Variants in KCNJ12 observed in about 807,000 individuals in gnomAD.
The protein encoded by KCNJ12 is potassium inwardly rectifying channel subfamily J member 12, also known as ATP-sensitive inward rectifier potassium channel 12.
A neutral mutation model predicts 22.3 loss-of-function variants in KCNJ12; 2 were observed. That is an observed-to-expected ratio of 0.09 (90% CI 0.04 to 0.28). KCNJ12 has a LOEUF of 0.28. Ranked by LOEUF, KCNJ12 falls within the 10% of genes least tolerant of loss-of-function variation. KCNJ12 has a pLI of 1.00. For synonymous variants in KCNJ12, 117 were observed against 261.4 expected, an observed-to-expected ratio of 0.45 and a Z score of 5.33; for missense variants, 155 against 633.3, an observed-to-expected ratio of 0.24 and a Z score of 8.11.
At chr17:21,404,754 C>T (rs1234365796) in intron 1 of KCNJ12, among the ~76,000 whole-genome samples, 19 of 152,272 alleles carry the variant, frequency 1.2e-4, no homozygotes, top group Admixed American at 1.2e-3. Flanking sequence ...AGGACACCCT[C>T]TCTCCCTCCT....
At chr17:21,412,149 A>G (rs1906390031) in intron 2 of KCNJ12, among the ~76,000 whole-genome samples, 1 of 152,282 alleles carries the variant, frequency 6.6e-6, no homozygotes, top group Non-Finnish European at 1.5e-5. Context: ...TGTCTTTGTC[A>G]GTTTTTGGCT....
chr17:21,384,028 T>G (rs1904986206), intron 1 of KCNJ12, among the ~76,000 whole-genome samples: 1 of 152,184 alleles, frequency 6.6e-6, no homozygotes, highest in South Asian at 2.1e-4. Flanking sequence ...CAGAGTTTCT[T>G]GTCCTTGGGG....
At chr17:21,408,344 C>A (rs1333679505) in intron 1 of KCNJ12, among the ~76,000 whole-genome samples, 175 bp from the exon 2 acceptor site, 5 of 152,244 alleles carry the variant, frequency 3.3e-5, no homozygotes, top group African/African-American at 1.2e-4. Context: ...TGGATGGTTG[C>A]TATGCTGTGA....
At chr17:21,382,312 C>G (rs781819087) in intron 1 of KCNJ12, among the ~76,000 whole-genome samples, 8 of 152,150 alleles carry the variant, frequency 5.3e-5, no homozygotes, top group Non-Finnish European at 1.2e-4. Flanking sequence ...CGTGGGGCCT[C>G]TCATATCTCA....
At chr17:21,395,795 C>G (rs1176344569) in intron 1 of KCNJ12, among the ~76,000 whole-genome samples, 1 of 152,200 alleles carries the variant, frequency 6.6e-6, no homozygotes, top group Non-Finnish European at 1.5e-5. Context: ...CTTACCACGA[C>G]TGAGTGGCAG....
chr17:21,411,087 T>C (rs1906314782), intron 2 of KCNJ12, among the ~76,000 whole-genome samples: 2 of 152,312 alleles, frequency 1.3e-5, no homozygotes, highest in African/African-American at 4.8e-5. Flanking sequence ...TTCCGGTCAG[T>C]GCTTTCTTGG....
chr17:21,407,282 A>G (rs1445743140), intron 1 of KCNJ12, among the ~76,000 whole-genome samples: 84 of 151,720 alleles, frequency 5.5e-4, no homozygotes, highest in Non-Finnish European at 1.1e-3. Flanking sequence ...CTACCCACCC[A>G]TACACTCATC....
In KCNJ12 at chr17:21,417,472, G is replaced by A. The variant is rs1403758269; in HGVS notation, c.*828G>A. 1 of 167,140 alleles carries A rather than the reference G, an allele frequency of 6.0e-6. No individual in the cohort carries two copies. The highest frequency in any genetic ancestry group is 2.4e-5 in the African/African-American group (1 of 41,450). The allele number at this position is 167,140 out of a possible 1,614,324, so 10.4% of individuals were successfully genotyped here. Reference sequence around the variant, plus strand: ...AGGGCCAGGCATGGGACCTGCCATCGAGGGTTCCTCCCCGCACCCTCGATT... The same window carrying A: ...AGGGCCAGGCATGGGACCTGCCATCAAGGGTTCCTCCCCGCACCCTCGATT... On this transcript the variant is annotated 3_prime_UTR_variant, in exon 3 of 3. Coordinates refer to ENST00000583088, the MANE Select transcript of KCNJ12 (RefSeq NM_021012.5).
At chr17:21,384,192 G>A (rs914120915) in intron 1 of KCNJ12, among the ~76,000 whole-genome samples, 2 of 152,142 alleles carry the variant, frequency 1.3e-5, no homozygotes, top group African/African-American at 4.8e-5. Context: ...TGCACTATGC[G>A]CACTGCTGTG....
intron 1 of KCNJ12, among the ~76,000 whole-genome samples, chr17:21,389,031 A>T (rs1597559297): frequency 6.6e-6 from 1 of 152,306 alleles, no homozygotes; most frequent in African/African-American, 2.4e-5. Context: ...GGTAAGCTGC[A>T]TCACCTCTCT....
intron 2 of KCNJ12, among the ~76,000 whole-genome samples, chr17:21,409,548 G>A (rs1906198305): frequency 6.6e-6 from 1 of 152,310 alleles, no homozygotes; most frequent in Non-Finnish European, 1.5e-5. Context: ...ACTCCCGCTG[G>A]GGAGGCCAGG....
intron 1 of KCNJ12, among the ~76,000 whole-genome samples, chr17:21,383,134 C>T (rs1281973484): frequency 7.2e-5 from 11 of 152,168 alleles, no homozygotes; most frequent in African/African-American, 2.4e-4. Flanking sequence ...GATGAAAGGC[C>T]GGGGGCAGGA....
rs1806312179 is a variant in KCNJ12, at chr17:21,411,406, C to G, written c.-57+2766C>G. On this transcript the variant is annotated intron_variant, in intron 2 of 2. Transcript: ENST00000583088. The stretch of plus-strand genomic sequence containing the variant: ...GGTCTGCCGGGCCCGTGCTCTCTCC[C>G]CACTGCCTGCTCTCTCCCTCCTGGG... 5.3e-5 allele frequency among the ~76,000 whole-genome samples: 8 copies of G among 152,216 alleles called. No homozygotes were observed. The South Asian group carries it at 1.7e-3, about 32-fold the overall frequency.
chr17:21,397,488 C>T (rs1202603222), intron 1 of KCNJ12, among the ~76,000 whole-genome samples: 1 of 152,176 alleles, frequency 6.6e-6, no homozygotes, highest in African/African-American at 2.4e-5. Context: ...TCGAGCAAGG[C>T]TAGGGAAGCG....
chr17:21,414,204 A>G (rs1597583321), intron 2 of KCNJ12, among the ~76,000 whole-genome samples: 2 of 152,242 alleles, frequency 1.3e-5, no homozygotes, highest in African/African-American at 4.8e-5. Flanking sequence ...AAAAGAGAAA[A>G]CGTCTCACGC....
Position 21,376,862 on chromosome 17 carries a change from C to T in KCNJ12, c.-230C>T, listed in dbSNP as rs1381494465. On this transcript the variant is annotated 5_prime_UTR_variant, in exon 1 of 3. Coordinates refer to ENST00000583088, the MANE Select transcript of KCNJ12 (RefSeq NM_021012.5). This position sits in a 1 kb window ranked among gnomAD's most constrained non-coding sequence, Gnocchi z 5.3. ...GGCAGCTGCCGGGGCCAGGAACGGC[C>T]GCCCGGAGCTTGGAGGACGCCGAGC... The T allele has an allele frequency of 1.3e-5, 2 of 151,384 alleles. No homozygotes were observed. Among genetic ancestry groups the T allele is most frequent in the Non-Finnish European group, 1.5e-5 (1 of 67,816 alleles). The allele number at this position is 151,384 out of a possible 1,614,324, so 9.4% of individuals were successfully genotyped here.
Position 21,418,669 on chromosome 17 carries a change from G to C in KCNJ12, c.*2025G>C, listed in dbSNP as rs1189692416. 6.0e-6 allele frequency: 1 copy of C among 167,640 alleles called. No individual in the cohort carries two copies. The highest frequency in any genetic ancestry group is 1.5e-5 in the Non-Finnish European group (1 of 68,724). The allele number at this position is 167,640 out of a possible 1,614,324, so 10.4% of individuals were successfully genotyped here. A position where few individuals can be genotyped will look rare whatever the true frequency, so the allele number is the denominator to read the frequency against. ...GCCGAGGCAGCTCTTTCCTCTCGGG[G>C]TCTGCCAGGGGTGCCTCAGCTGGTT... On this transcript the variant is annotated 3_prime_UTR_variant, in exon 3 of 3. Transcript: ENST00000583088.
chr17:21,411,205 C>A (rs1352134698), intron 2 of KCNJ12, among the ~76,000 whole-genome samples: 5 of 152,298 alleles, frequency 3.3e-5, no homozygotes, highest in African/African-American at 1.2e-4. Flanking sequence ...CCAGTTCCAT[C>A]CGGAAGCACC....
intron 1 of KCNJ12, among the ~76,000 whole-genome samples, chr17:21,403,035 G>C (rs1466950906): frequency 6.6e-6 from 1 of 152,310 alleles, no homozygotes; most frequent in East Asian, 1.9e-4. Context: ...CCAAGTACTG[G>C]GTCCTAGGGG....
Sources: allele counts gnomAD v4.1 joint callset (sites outside exome capture counted in the v4.1 genomes callset), GRCh38; gene constraint gnomAD v4.1.1; non-coding constraint Gnocchi (gnomAD v3.1); transcripts MANE v1.5; gene names NCBI Gene and HGNC (gene_info 2026-07-23, HGNC 2026-07-21).